Variants in CLUAP1 observed in about 807,000 individuals in gnomAD.
CLUAP1 encodes intraflagellar transport 38.
Under a neutral mutation model 55.0 loss-of-function variants are expected in CLUAP1, and 50 were observed. The observed-to-expected ratio is 0.91, with a 90% CI of 0.72 to 1.15. The LOEUF (loss-of-function observed/expected upper bound fraction) is 1.15, where lower values mean the gene tolerates loss of function less well. Among genes scored for constraint, CLUAP1 ranks in the 50% most tolerant of loss-of-function variants. The probability of loss-of-function intolerance (pLI) is 0.00; values close to 1 mark genes in which losing one functional copy is unlikely to be tolerated. For missense variants in CLUAP1, 530 were observed against 507.6 expected (o/e 1.04, Z -0.42); for synonymous variants, 195 against 175.4 (o/e 1.11, Z -0.88).
chr16:3,524,329 C>T (rs1395324410), intron 8 of CLUAP1, among the ~76,000 whole-genome samples: 193 of 150,276 alleles, frequency 1.3e-3, no homozygotes, highest in Non-Finnish European at 6.8e-4. Context: ...GGGCCGGGCG[C>T]GGTGGCTCAC....
In CLUAP1 at chr16:3,532,833, G is replaced by C; in HGVS notation, c.1084G>C (p.Asp362His). The change falls in exon 11 of 12, where the codon GAT (aspartate) becomes CAT (histidine). Residue 362 changes from aspartate (D) to histidine (H), a missense_variant. Transcript: ENST00000576634. ...GGGCACGATGCAAGGTGGAGACTCC[G>C]ATGACAATGTAAGTCCCCCGCTCCC... ...IVGTMQGGDS[D>H]DNEDSEESEI... 1 of 1,614,102 alleles carries C rather than the reference G, an allele frequency of 6.2e-7. No individual in the cohort carries two copies. The highest frequency in any genetic ancestry group is 8.5e-7 in the Non-Finnish European group (1 of 1,179,988).
upstream of CLUAP1, among the ~76,000 whole-genome samples, chr16:3,500,296 G>A (rs561801388): frequency 6.6e-6 from 1 of 152,182 alleles, no homozygotes; most frequent in African/African-American, 2.4e-5. Flanking sequence ...TCCTCCGCTC[G>A]GCAACCAGAT....
At position 3,538,267 on chromosome 16, in the gene CLUAP1, T is replaced by C. The variant is rs1449429780; in HGVS notation, c.*1996T>C. 1.3e-5 allele frequency: 2 copies of C among 152,000 alleles called. No homozygotes were observed. The highest frequency in any genetic ancestry group is 3.8e-4 in the East Asian group (2 of 5,200). The allele number at this position is 152,000 out of a possible 1,614,324, so 9.4% of individuals were successfully genotyped here. Reference sequence around the variant, plus strand: ...GGAACTTTTGAGTTATTTCTGTCATTTTTGCTTTTTTCTCTTTCTTTTCCT... The same window carrying C: ...GGAACTTTTGAGTTATTTCTGTCATCTTTGCTTTTTTCTCTTTCTTTTCCT... On this transcript the variant is annotated 3_prime_UTR_variant, in exon 12 of 12. Coordinates refer to ENST00000576634, the MANE Select transcript of CLUAP1 (RefSeq NM_015041.3).
intron 3 of CLUAP1, among the ~76,000 whole-genome samples, chr16:3,506,972 G>C: frequency 6.6e-6 from 1 of 151,996 alleles, no homozygotes; most frequent in East Asian, 1.9e-4. Flanking sequence ...CGAGGTGGGC[G>C]GATCACGAGG....
At chr16:3,500,296 G>T (rs561801388), upstream of CLUAP1, among the ~76,000 whole-genome samples, 1 of 152,290 alleles carries the variant, frequency 6.6e-6, no homozygotes, top group South Asian at 2.1e-4. Flanking sequence ...TCCTCCGCTC[G>T]GCAACCAGAT....
rs564312527 is a variant in CLUAP1, at chr16:3,530,447, A to C, written c.929-121A>C. On this transcript the variant is annotated intron_variant, in intron 9 of 11. Transcript: ENST00000576634. ...GCATGGGATAAGGATTTAATGTCTT[A>C]ATTTCCTGGATAGAATAAGAAATGA... 1.5e-4 allele frequency: 104 copies of C among 705,106 alleles called. No homozygotes were observed. The South Asian group carries it at 1.7e-3, about 11-fold the overall frequency. The allele number at this position is 705,106 out of a possible 1,614,324, so 43.7% of individuals were successfully genotyped here. A position where few individuals can be genotyped will look rare whatever the true frequency, so the allele number is the denominator to read the frequency against.
the CLUAP1 span, among the ~76,000 whole-genome samples, chr16:3,495,945 C>G: frequency 2.6e-5 from 4 of 152,162 alleles, no homozygotes; most frequent in South Asian, 8.3e-4. Flanking sequence ...TCGAGACCAT[C>G]CTGGCTAACA....
At chr16:3,519,088 C>T (rs2037783807) in intron 6 of CLUAP1, among the ~76,000 whole-genome samples, 1 of 152,246 alleles carries the variant, frequency 6.6e-6, no homozygotes, top group African/African-American at 2.4e-5. Context: ...GCATGTGATC[C>T]AGCCAGCCAC....
chr16:3,515,086 G>C (rs1041664148), intron 5 of CLUAP1, among the ~76,000 whole-genome samples: 6 of 152,174 alleles, frequency 3.9e-5, no homozygotes, highest in Admixed American at 2.0e-4. Flanking sequence ...GCAAATTGGG[G>C]CTGGGCATAG....
At chr16:3,513,992 T>C (rs2037683828) in intron 5 of CLUAP1, among the ~76,000 whole-genome samples, 1 of 152,238 alleles carries the variant, frequency 6.6e-6, no homozygotes, top group Non-Finnish European at 1.5e-5. Flanking sequence ...TCATCATATA[T>C]TGACCCGGCA....
intron 7 of CLUAP1, among the ~76,000 whole-genome samples, chr16:3,520,292 A>C (rs2037809296): frequency 6.6e-6 from 1 of 152,010 alleles, no homozygotes; most frequent in Non-Finnish European, 1.5e-5. Flanking sequence ...GGATTGCTTG[A>C]GCCCAGGAGG....
chr16:3,519,309 T>C (rs925676982), intron 6 of CLUAP1, among the ~76,000 whole-genome samples: 1 of 152,236 alleles, frequency 6.6e-6, no homozygotes, highest in Non-Finnish European at 1.5e-5. Flanking sequence ...CCATTGCCAC[T>C]GTGGGAACTG....
intron 9 of CLUAP1, among the ~76,000 whole-genome samples, chr16:3,528,147 C>T (rs931761293): frequency 8.5e-5 from 13 of 152,324 alleles, no homozygotes; most frequent in East Asian, 5.8e-4. Flanking sequence ...TGTCAGGGAC[C>T]GGTAGCAGCC....
At chr16:3,510,863 G>C (rs750928871) in intron 4 of CLUAP1, among the ~76,000 whole-genome samples, 1 of 152,250 alleles carries the variant, frequency 6.6e-6, no homozygotes, top group Non-Finnish European at 1.5e-5. Flanking sequence ...CCGATTGGCT[G>C]TCCAGGTGGA....
At chr16:3,525,069 A>G (rs1279667805) in intron 8 of CLUAP1, among the ~76,000 whole-genome samples, 1 of 152,168 alleles carries the variant, frequency 6.6e-6, no homozygotes, top group East Asian at 1.9e-4. Flanking sequence ...GGAGTACCTA[A>G]CGCATCCGTG....
In CLUAP1 at chr16:3,510,284, G is replaced by A. The variant is rs949614068; in HGVS notation, c.399+1816G>A. On this transcript the variant is annotated intron_variant, in intron 4 of 11. Coordinates refer to ENST00000576634, the MANE Select transcript of CLUAP1 (RefSeq NM_015041.3). Reference sequence around the variant, plus strand: ...GCTAGGATTACAGGCGTGAGCCACCGCACCCGGCTTTGTATTTTTTTTTTT... The same window carrying A: ...GCTAGGATTACAGGCGTGAGCCACCACACCCGGCTTTGTATTTTTTTTTTT... Among the ~76,000 whole-genome samples, 11 of 150,976 alleles carry A rather than the reference G, an allele frequency of 7.3e-5. No homozygotes were observed. The East Asian group carries it at 9.7e-4, about 13-fold the overall frequency.
chr16:3,496,293 A>G (rs2037308591), upstream of CLUAP1: 12 of 870,722 alleles, frequency 1.4e-5, no homozygotes, highest in Non-Finnish European at 2.3e-5. Flanking sequence ...TTGTTGGTCA[A>G]GCTGTACAGG....
chr16:3,515,422 T>C, intron 5 of CLUAP1, 86 bp from the exon 6 acceptor site: 1 of 912,286 alleles, frequency 1.1e-6, no homozygotes, highest in Non-Finnish European at 1.7e-6. Context: ...GGAGAATCAG[T>C]CTATAAGGCA....
upstream of CLUAP1, among the ~76,000 whole-genome samples, chr16:3,498,701 T>C (rs1340322625): frequency 6.6e-6 from 1 of 151,624 alleles, no homozygotes; most frequent in Non-Finnish European, 1.5e-5. Flanking sequence ...CTACTAAAAA[T>C]ACAAAAAAAT....
Sources: gnomAD v4.1 joint callset for allele counts (sites outside exome capture counted in the v4.1 genomes callset) on GRCh38, gnomAD v4.1.1 for gene constraint, MANE v1.5 for transcripts, NCBI Gene and HGNC (gene_info 2026-07-23, HGNC 2026-07-21) for gene names.